Variants in CDIN1 observed in about 807,000 individuals in gnomAD.
The protein encoded by CDIN1 is CDAN1 interacting nuclease 1, also known as CDAN1-interacting nuclease 1.
CDIN1 carries 33 observed loss-of-function variants against 45.3 expected under a neutral mutation model. The ratio of observed to expected loss-of-function variants is 0.73; its 90% CI spans 0.55 to 0.97. CDIN1 has a LOEUF of 0.97. Ranked by LOEUF, CDIN1 falls within the 50% of genes least tolerant of loss-of-function variation. The pLI is 0.00. For synonymous variants in CDIN1, 118 were observed against 124.4 expected (o/e 0.95, Z 0.34); for missense variants, 303 against 339.4 (o/e 0.89, Z 0.84).
intron 10 of CDIN1, among the ~76,000 whole-genome samples, chr15:36,763,800 C>G (rs941836182): frequency 6.6e-6 from 1 of 152,120 alleles, no homozygotes; most frequent in Non-Finnish European, 1.5e-5. Context: ...GCTGGCTCCA[C>G]CTAAAACCTG....
chr15:36,707,696 CT>C (rs1379977187), intron 8 of CDIN1: 1 of 152,096 alleles, frequency 6.6e-6, no homozygotes, highest in Non-Finnish European at 1.5e-5. Context: ...ATTAATCTAT[CT>C]TTTTCAATGT....
At chr15:36,787,732 T>A (rs570133501) in intron 10 of CDIN1, among the ~76,000 whole-genome samples, 14 of 152,242 alleles carry the variant, frequency 9.2e-5, no homozygotes, top group African/African-American at 3.4e-4. Context: ...GATAGTCTAT[T>A]CTGTCACTTA....
chr15:36,686,667 C>T (rs1199382188), intron 5 of CDIN1, among the ~76,000 whole-genome samples: 1 of 150,730 alleles, frequency 6.6e-6, no homozygotes, highest in Non-Finnish European at 1.5e-5. Context: ...ATCACTTGAG[C>T]CCAGGAGTTT....
At chr15:36,742,147 G>A (rs1399409221) in intron 10 of CDIN1, among the ~76,000 whole-genome samples, 1 of 152,084 alleles carries the variant, frequency 6.6e-6, no homozygotes, top group Non-Finnish European at 1.5e-5. Context: ...ACAAAAACTA[G>A]TGTGTATATG....
chr15:36,703,179 C>T (rs1595493904), intron 8 of CDIN1, among the ~76,000 whole-genome samples: 1 of 114,058 alleles, frequency 8.8e-6, no homozygotes, highest in East Asian at 3.1e-4. Flanking sequence ...GATGGCACCT[C>T]TGCACTCCAG....
intron 5 of CDIN1, among the ~76,000 whole-genome samples, chr15:36,668,560 C>T (rs2041333501): frequency 6.6e-6 from 1 of 152,076 alleles, no homozygotes; most frequent in Non-Finnish European, 1.5e-5. Context: ...CAAACAAAAG[C>T]AATGAACGAG....
intron 1 of CDIN1, chr15:36,591,701 G>T (rs2037583723): frequency 6.6e-6 from 1 of 152,178 alleles, no homozygotes; most frequent in South Asian, 2.1e-4. Context: ...TTATTATTCA[G>T]ATTCAGTGAC....
chr15:36,629,613 C>T (rs143864989), intron 1 of CDIN1, among the ~76,000 whole-genome samples: 6 of 152,206 alleles, frequency 3.9e-5, no homozygotes, highest in South Asian at 2.1e-4. Flanking sequence ...TACTCTCTAA[C>T]GTCTCATGTT....
At chr15:36,705,386 A>G (rs2042825635) in intron 8 of CDIN1, 2 of 152,170 alleles carry the variant, frequency 1.3e-5, no homozygotes, top group South Asian at 4.1e-4. Context: ...ATTTTTCCCC[A>G]CTTTAAAAAT....
intron 10 of CDIN1, among the ~76,000 whole-genome samples, chr15:36,779,164 C>A (rs1019134514): frequency 5.3e-5 from 8 of 152,224 alleles, no homozygotes; most frequent in African/African-American, 1.9e-4. Flanking sequence ...CATTAAAATC[C>A]TTCTCAACAC....
intron 7 of CDIN1, chr15:36,696,584 T>A (rs1034875685): frequency 6.6e-6 from 1 of 152,206 alleles, no homozygotes; most frequent in Non-Finnish European, 1.5e-5. Context: ...AATTTAAAAA[T>A]TTTTTTAGAA....
At chr15:36,649,937 A>G (rs2040504638) in intron 3 of CDIN1, among the ~76,000 whole-genome samples, 2 of 152,224 alleles carry the variant, frequency 1.3e-5, no homozygotes, top group South Asian at 4.1e-4. Context: ...ATGGGGCATA[A>G]TGAGTGTAAA....
intron 10 of CDIN1, among the ~76,000 whole-genome samples, chr15:36,775,082 A>G (rs1215240503): frequency 2.6e-5 from 4 of 152,232 alleles, no homozygotes; most frequent in African/African-American, 9.6e-5. Context: ...TAGGTGACAC[A>G]TGTCGCAGAG....
intron 1 of CDIN1, among the ~76,000 whole-genome samples, chr15:36,629,555 T>C (rs979355320): frequency 1.3e-5 from 2 of 152,182 alleles, no homozygotes; most frequent in African/African-American, 4.8e-5. Context: ...TGCTGAACAT[T>C]GCTTGTTAGA....
chr15:36,788,115 TTTTTTTTTTTTTTTTTTTG>T (rs2054552579), intron 10 of CDIN1, among the ~76,000 whole-genome samples: 1 of 125,598 alleles, frequency 8.0e-6, no homozygotes, highest in African/African-American at 3.5e-5. Flanking sequence ...TATTTTTTTT[TTTTTTTTTTTTTTTTTTTG>T]AGACAGAGTT....
rs2038412676 is a variant in CDIN1 at position 36,607,088 on chromosome 15, A to G, written c.101+27127A>G. 2.0e-5 allele frequency among the ~76,000 whole-genome samples: 3 copies of G among 152,184 alleles called. No homozygotes were observed. In the South Asian group the frequency reaches 6.2e-4, roughly 32 times the overall value. On this transcript the variant is annotated intron_variant, in intron 1 of 10. Coordinates refer to ENST00000566621, the MANE Select transcript of CDIN1 (RefSeq NM_001321759.2). ...GTCCCTACGTTTGTGAGGTTGGAAA[A>G]GTACATTGTTAAAATTTTAAGTGTC...
intron 10 of CDIN1, chr15:36,798,945 T>G (rs2054914123): frequency 6.6e-6 from 1 of 152,228 alleles, no homozygotes. Flanking sequence ...CAAAATGGAC[T>G]GCACCACTGT....
chr15:36,722,733 C>T (rs574238258), intron 10 of CDIN1, among the ~76,000 whole-genome samples: 1 of 152,260 alleles, frequency 6.6e-6, no homozygotes, highest in South Asian at 2.1e-4. Context: ...TGCCTGTGCT[C>T]ATTCTCTTCT....
At chr15:36,784,006 C>G (rs895022622) in intron 10 of CDIN1, among the ~76,000 whole-genome samples, 3 of 152,068 alleles carry the variant, frequency 2.0e-5, no homozygotes, top group Admixed American at 6.6e-5. Flanking sequence ...GGTTCATACA[C>G]TAAGAGAAAA....
Sources: gnomAD v4.1 joint callset for allele counts (sites outside exome capture counted in the v4.1 genomes callset) on GRCh38, gnomAD v4.1.1 for gene constraint, MANE v1.5 for transcripts, NCBI Gene and HGNC (gene_info 2026-07-23, HGNC 2026-07-21) for gene names.